Variants in PITRM1 observed in about 807,000 individuals in gnomAD.
PITRM1 encodes presequence protease, mitochondrial.
In PITRM1, 100 loss-of-function variants were observed where a neutral mutation model predicts 129.9. The ratio of observed to expected loss-of-function variants is 0.77; its 90% CI spans 0.65 to 0.91. The LOEUF (loss-of-function observed/expected upper bound fraction) is 0.91. Among genes scored for constraint, PITRM1 ranks in the 40% least tolerant of loss-of-function variants. PITRM1 has a pLI of 0.00. For synonymous variants in PITRM1, 591 were observed against 508.8 expected (o/e 1.16, Z -2.17); for missense variants, 1,471 against 1,318.3 (o/e 1.12, Z -1.79).
At position 3,152,253 on chromosome 10, in the gene PITRM1, C is replaced by A. The variant is rs184591851; in HGVS notation, c.1622-890G>T. Among the ~76,000 whole-genome samples the A allele has an allele frequency of 1.3e-3, 205 of 152,326 alleles. 1 individual carries two copies. Among genetic ancestry groups the A allele is most frequent in the Non-Finnish European group, 1.7e-3 (117 of 68,030 alleles). On this transcript the variant is annotated intron_variant, in intron 14 of 26. Coordinates refer to ENST00000224949, the MANE Select transcript of PITRM1 (RefSeq NM_014889.4). Reference sequence around the variant, plus strand: ...AGAATCCAGAAGACCCAGGCGTGCTCCCCGCCCTGATGGCCATCAGTGAAG... The same window carrying A: ...AGAATCCAGAAGACCCAGGCGTGCTACCCGCCCTGATGGCCATCAGTGAAG...
rs74802628 is a variant in PITRM1, at chr10:3,138,853, C to T, written c.2917+51G>A. On this transcript the variant is annotated intron_variant, in intron 25 of 26. Coordinates refer to ENST00000224949, the MANE Select transcript of PITRM1 (RefSeq NM_014889.4). ...ATGCCGGGAACTTGGAAAACAGCAA[C>T]GTCATCTGTGAGGCTGTGGGTTGAG... is the stretch of plus-strand genomic sequence containing the variant. 5,806 of 1,587,608 alleles carry T rather than the reference C, an allele frequency of 3.7e-3. 255 individuals carry two copies. The Admixed American group carries it at 0.077, about 21-fold the overall frequency.
intron 24 of PITRM1, among the ~76,000 whole-genome samples, chr10:3,140,348 G>A (rs1021644657): frequency 6.6e-6 from 1 of 152,156 alleles, no homozygotes; most frequent in African/African-American, 2.4e-5. Context: ...TTTATGTCTG[G>A]AATTTTCCAT....
rs757064249 is a variant in PITRM1 at position 3,138,305 on chromosome 10, C to T, written c.2950G>A (p.Glu984Lys). ...TGCTCTCTGTGGGCCTGCTTCATCT[C>T]ATCCGAGAGGCCGTACAAGAAGTGG... ...MDHFLYGLSD[E>K]MKQAHREQLF... Residue 984 changes from glutamate (E) to lysine (K), a missense_variant, in exon 26 of 27, where the codon GAG becomes AAG. Coordinates refer to ENST00000224949, the MANE Select transcript of PITRM1 (RefSeq NM_014889.4). 2 of 1,613,826 alleles carry T rather than the reference C, an allele frequency of 1.2e-6. No individual in the cohort carries two copies. Among genetic ancestry groups the T allele is most frequent in the South Asian group, 2.2e-5 (2 of 91,076 alleles).
intron 16 of PITRM1, 26 bp from the exon 17 acceptor site, chr10:3,148,317 C>G (rs577530520): frequency 2.5e-6 from 4 of 1,570,638 alleles, no homozygotes. Flanking sequence ...AGCATCGCCC[C>G]GATTACAAGT....
chr10:3,165,292 G>T lies in PITRM1; in HGVS notation c.576C>A (p.Pro192=). ...CTCCTTTAAAGACCAAGGGCGTCTG[G>T]GGGTCGCTCGGATTCTCATGTTCCA... ...WRLEHENPSD[P]QTPLVFKGVV... is the part of the protein sequence containing the mutation. Residue 192 remains proline (P), a synonymous_variant, in exon 6 of 27, where the codon CCC becomes CCA. Coordinates refer to ENST00000224949, the MANE Select transcript of PITRM1 (RefSeq NM_014889.4). 6.3e-7 allele frequency: 1 copy of T among 1,588,216 alleles called. No homozygotes were observed. Among genetic ancestry groups the T allele is most frequent in the African/African-American group, 1.3e-5 (1 of 74,216 alleles).
chr10:3,141,000 A>G (rs998213568), intron 23 of PITRM1, among the ~76,000 whole-genome samples, 188 bp from the exon 24 acceptor site: 2 of 152,194 alleles, frequency 1.3e-5, no homozygotes, highest in South Asian at 4.1e-4. Context: ...GGAGTGCATT[A>G]GTGCAATCAC....
At chr10:3,138,367 C>A in intron 25 of PITRM1, 30 bp from the exon 26 acceptor site, 1 of 1,514,628 alleles carries the variant, frequency 6.6e-7, no homozygotes. Flanking sequence ...CACGATGGAG[C>A]CGCTGCCCGG....
At chr10:3,159,163 TTTAACA>T (rs1842230114) in intron 9 of PITRM1, 121 bp from the exon 10 acceptor site, 17 of 883,778 alleles carry the variant, frequency 1.9e-5, no homozygotes, top group Admixed American at 3.0e-5. Flanking sequence ...CATTTCAACA[TTTAACA>T]ATTTTATGAG....
Position 3,166,375 on chromosome 10 carries a change from T to TACACGCTAGGGAAGAGAGAGGAATG in PITRM1, c.271_272insCATTCCTCTCTCTTCCCTAGCGTGT (p.Gln91ProfsTer7). 1 of 1,413,944 alleles carries TACACGCTAGGGAAGAGAGAGGAATG rather than the reference T, an allele frequency of 7.1e-7. No individual in the cohort carries two copies. Among genetic ancestry groups the TACACGCTAGGGAAGAGAGAGGAATG allele is most frequent in the Non-Finnish European group, 9.9e-7 (1 of 1,008,358 alleles). 87.6% of individuals were successfully genotyped at this position (1,413,944 alleles called of 1,614,324 possible). A position where few individuals can be genotyped will look rare whatever the true frequency, so the allele number is the denominator to read the frequency against. ...ACTGTCCATGGGAGTAGTACGGAAC[T>TACACGCTAGGGAAGAGAGAGGAATG]GCACGCTAGGGAAGGAGAATGACCA... On this transcript the variant is annotated stop_gained and frameshift_variant, in exon 4 of 27. Coordinates refer to ENST00000224949, the MANE Select transcript of PITRM1 (RefSeq NM_014889.4). LOFTEE classifies it high-confidence loss of function.
At chr10:3,151,601 A>C (rs1183404451) in intron 14 of PITRM1, among the ~76,000 whole-genome samples, 3 of 152,154 alleles carry the variant, frequency 2.0e-5, no homozygotes, top group Non-Finnish European at 2.9e-5. Context: ...ATTATTAAGG[A>C]ATTCTGCTAG....
At chr10:3,164,374 GT>G (rs1456992127) in intron 6 of PITRM1, 2 of 152,444 alleles carry the variant, frequency 1.3e-5, no homozygotes, top group East Asian at 3.8e-4. Context: ...CAGACAGGTT[GT>G]CCAAGTCACA....
At chr10:3,166,171 T>G (rs1321464183) in intron 4 of PITRM1, 58 bp downstream of exon 4, 2 of 1,407,664 alleles carry the variant, frequency 1.4e-6, no homozygotes, top group Non-Finnish European at 1.9e-6. Flanking sequence ...CTAACTGAAT[T>G]CCAGTGGGTG....
intron 7 of PITRM1, among the ~76,000 whole-genome samples, chr10:3,160,886 A>C (rs1036053061): frequency 4.1e-4 from 63 of 151,816 alleles, no homozygotes; most frequent in Non-Finnish European, 1.3e-4. Flanking sequence ...TCAGCCTCCC[A>C]AGTTGCTGGG....
chr10:3,152,881 C>T (rs1291266990), intron 14 of PITRM1, among the ~76,000 whole-genome samples: 1 of 152,238 alleles, frequency 6.6e-6, no homozygotes, highest in Non-Finnish European at 1.5e-5. Context: ...TAGAAAAAGC[C>T]TCTGGCACTT....
Position 3,160,324 on chromosome 10 carries a change from G to T in PITRM1, c.798C>A (p.Phe266Leu). 6.2e-7 allele frequency: 1 copy of T among 1,609,492 alleles called. No homozygotes were observed. Among genetic ancestry groups the T allele is most frequent in the Non-Finnish European group, 8.5e-7 (1 of 1,175,828 alleles). Residue 266 changes from phenylalanine (F) to leucine (L), a missense_variant, in exon 8 of 27, where the codon TTC becomes TTA. Physicochemically the swap from Phe to Leu is conservative, Grantham distance 22. Transcript: ENST00000224949. ...GTTCTAATGGAAAATTACCGTACGT[G>T]AAGAACCTAAAATTTTAAGGGAATA... ...THYHPSNARF[F>L]TYGNFPLEQH...
intron 15 of PITRM1, 99 bp downstream of exon 15, chr10:3,151,148 G>A (rs1244151370): frequency 2.2e-5 from 16 of 737,424 alleles, no homozygotes; most frequent in Non-Finnish European, 4.9e-6. Context: ...GTGTTTCAGG[G>A]AAAACCTCCA....
intron 1 of PITRM1, among the ~76,000 whole-genome samples, chr10:3,171,928 A>C (rs1843401722): frequency 6.6e-6 from 1 of 152,216 alleles, no homozygotes; most frequent in African/African-American, 2.4e-5. Context: ...AATGTATCCC[A>C]CCGAAATATT....
chr10:3,151,478 G>C, intron 14 of PITRM1, 115 bp from the exon 15 acceptor site: 1 of 682,168 alleles, frequency 1.5e-6, no homozygotes, highest in Non-Finnish European at 2.6e-6. Context: ...GCCAAGTGTG[G>C]GGAGTACAGG....
chr10:3,158,845 G>A (rs1251289915), intron 10 of PITRM1, 69 bp downstream of exon 10: 4 of 1,419,602 alleles, frequency 2.8e-6, no homozygotes, highest in East Asian at 2.3e-5. Flanking sequence ...GGGACAGGGT[G>A]CGGAGGTGGA....
Sources: gnomAD v4.1 joint callset for allele counts (sites outside exome capture counted in the v4.1 genomes callset) on GRCh38, gnomAD v4.1.1 for gene constraint, MANE v1.5 for transcripts, NCBI Gene and HGNC (gene_info 2026-07-23, HGNC 2026-07-21) for gene names.